Variants in PTPRG observed in about 807,000 individuals in gnomAD.
PTPRG encodes protein tyrosine phosphatase receptor type G.
In PTPRG, 102 loss-of-function variants were observed where a neutral mutation model predicts 165.3. The observed-to-expected ratio is 0.62, with a 90% CI of 0.53 to 0.73. The LOEUF is 0.73. PTPRG is among the 30% of genes least tolerant of loss of function. PTPRG has a pLI of 0.00. For missense variants in PTPRG, 1,866 were observed against 1,861.4 expected (o/e 1.00, Z -0.05); for synonymous variants, 675 against 669.5 (o/e 1.01, Z -0.13).
At chr3:61,833,352 G>C (rs139297991) in intron 2 of PTPRG, among the ~76,000 whole-genome samples, 4 of 152,172 alleles carry the variant, frequency 2.6e-5, no homozygotes, top group South Asian at 2.1e-4. Flanking sequence ...GCTTAAAAAC[G>C]TGCAGAAGAA....
chr3:61,574,973 C>G (rs1700142925), intron 1 of PTPRG, among the ~76,000 whole-genome samples: 1 of 152,206 alleles, frequency 6.6e-6, no homozygotes, highest in Admixed American at 6.5e-5. Context: ...GTGAGGGACC[C>G]ACCCTCATGA....
intron 2 of PTPRG, among the ~76,000 whole-genome samples, chr3:61,918,016 G>A (rs1362034210): frequency 6.6e-6 from 1 of 152,172 alleles, no homozygotes; most frequent in Non-Finnish European, 1.5e-5. Flanking sequence ...GCAAACTAAT[G>A]AATCATGTAG....
In PTPRG at chr3:62,271,590, G is replaced by T. The variant is rs374203136; in HGVS notation, c.3182+35G>T. On this transcript the variant is annotated intron_variant, in intron 21 of 29. Coordinates refer to ENST00000474889, the MANE Select transcript of PTPRG (RefSeq NM_002841.4). The surrounding 1 kb of genome is among the most constrained non-coding windows in gnomAD (Gnocchi z 4.1). ...AGGATTCAACATGTGAAATAGATGGGGCAGGGGACTTAGGCCTCAGTGACC... is the reference window on the plus strand; with the variant it reads ...AGGATTCAACATGTGAAATAGATGGTGCAGGGGACTTAGGCCTCAGTGACC... 1.1e-4 allele frequency: 169 copies of T among 1,584,244 alleles called. No individual in the cohort carries two copies. Among genetic ancestry groups the T allele is most frequent in the Non-Finnish European group, 1.4e-4 (167 of 1,163,802 alleles).
At chr3:61,945,966 T>C (rs2039750499) in intron 2 of PTPRG, among the ~76,000 whole-genome samples, 1 of 149,806 alleles carries the variant, frequency 6.7e-6, no homozygotes, top group African/African-American at 2.5e-5. Flanking sequence ...AGCTTTCCTC[T>C]GCTCAGCCAA....
At chr3:61,928,236 T>A (rs1452233768) in intron 2 of PTPRG, among the ~76,000 whole-genome samples, 1 of 152,146 alleles carries the variant, frequency 6.6e-6, no homozygotes, top group Admixed American at 6.6e-5. Context: ...TTCTTATGAG[T>A]TGGGAACATG....
chr3:61,649,792 T>TA (rs1307076647), intron 1 of PTPRG, among the ~76,000 whole-genome samples: 2 of 152,216 alleles, frequency 1.3e-5, no homozygotes, highest in African/African-American at 4.8e-5. Flanking sequence ...GACTGACACT[T>TA]AAAGTTTTAG....
intron 1 of PTPRG, among the ~76,000 whole-genome samples, chr3:61,626,882 C>T (rs1172193305): frequency 1.3e-5 from 2 of 152,126 alleles, no homozygotes; most frequent in Admixed American, 1.3e-4. Context: ...TGATCAAATG[C>T]TGGGGATACA....
rs78451210 is a variant in PTPRG, at chr3:61,753,362, C to T, written c.190+4380C>T. On this transcript the variant is annotated intron_variant, in intron 2 of 29. Coordinates refer to ENST00000474889, the MANE Select transcript of PTPRG (RefSeq NM_002841.4). ...AAAAAATGCAGTAGTTTAATAGTAT[C>T]TCATTGGAAATAATAAAACAATTTC... 1.7e-3 allele frequency among the ~76,000 whole-genome samples: 264 copies of T among 152,182 alleles called. 6 individuals are homozygous for T. The East Asian group carries it at 0.05, about 29-fold the overall frequency.
At chr3:62,194,955 C>T in intron 9 of PTPRG, 107 bp from the exon 10 acceptor site, 2 of 1,005,770 alleles carry the variant, frequency 2.0e-6, no homozygotes, top group Non-Finnish European at 3.1e-6. Flanking sequence ...AGCAGGGAAG[C>T]ATCACACCTG....
rs1050147187 is a variant in PTPRG at position 62,294,146 on chromosome 3, A to G, written c.*839A>G. On this transcript the variant is annotated 3_prime_UTR_variant, in exon 30 of 30. Coordinates refer to ENST00000474889, the MANE Select transcript of PTPRG (RefSeq NM_002841.4). ...ATACAACTCAGTTATGAGACCCTTTAGTTATTCTCCATTAATGCTTCTTAG... is the reference window on the plus strand; with the variant it reads ...ATACAACTCAGTTATGAGACCCTTTGGTTATTCTCCATTAATGCTTCTTAG... The G allele has an allele frequency of 3.3e-5, 5 of 152,114 alleles. No homozygotes were observed. The highest frequency in any genetic ancestry group is 1.2e-4 in the African/African-American group (5 of 41,454). 9.4% of individuals were successfully genotyped at this position (152,114 alleles called of 1,614,324 possible). A position where few individuals can be genotyped will look rare whatever the true frequency, so the allele number is the denominator to read the frequency against.
At chr3:61,868,314 C>A (rs978715374) in intron 2 of PTPRG, among the ~76,000 whole-genome samples, 4 of 152,336 alleles carry the variant, frequency 2.6e-5, no homozygotes, top group African/African-American at 7.2e-5. Context: ...AATCTTCTCA[C>A]AATTTCTTGC....
At chr3:62,007,045 G>A (rs2041314768) in intron 4 of PTPRG, among the ~76,000 whole-genome samples, 1 of 152,148 alleles carries the variant, frequency 6.6e-6, no homozygotes, top group Non-Finnish European at 1.5e-5. Context: ...TAACAGCATT[G>A]CTGTTCCTGG....
At chr3:61,837,542 A>G (rs1390370076) in intron 2 of PTPRG, among the ~76,000 whole-genome samples, 3 of 152,236 alleles carry the variant, frequency 2.0e-5, no homozygotes, top group Non-Finnish European at 2.9e-5. Context: ...TGCAGCCTGA[A>G]TAGTACGTCA....
intron 2 of PTPRG, among the ~76,000 whole-genome samples, chr3:61,842,684 CAAAA>C (rs199500194): frequency 0.12 from 15,065 of 121,578 alleles, 1,162 homozygotes; most frequent in African/African-American, 0.27. Context: ...GTATGTGTGG[CAAAA>C]AAAAAAAAAA....
intron 5 of PTPRG, among the ~76,000 whole-genome samples, chr3:62,111,016 G>GGGAA (rs1702650513): frequency 6.6e-6 from 1 of 152,178 alleles, no homozygotes; most frequent in South Asian, 2.1e-4. Flanking sequence ...AGGGCTCTGT[G>GGGAA]GGAAGTGATT....
intron 28 of PTPRG, among the ~76,000 whole-genome samples, chr3:62,289,756 A>ATAAT (rs1702810979): frequency 7.0e-6 from 1 of 142,112 alleles, no homozygotes. Context: ...CTTTACCTTT[A>ATAAT]TAATTGTTAT....
chr3:61,761,987 T>G (rs2033852784), intron 2 of PTPRG, among the ~76,000 whole-genome samples: 1 of 152,160 alleles, frequency 6.6e-6, no homozygotes, highest in African/African-American at 2.4e-5. Context: ...GAGTATTGAT[T>G]GGTCATTGAG....
intron 4 of PTPRG, among the ~76,000 whole-genome samples, chr3:62,067,021 A>G (rs1428164218): frequency 7.1e-6 from 1 of 140,768 alleles, no homozygotes; most frequent in African/African-American, 2.6e-5. Flanking sequence ...TTGGCGACAA[A>G]GTGAGAGATT....
chr3:62,046,512 A>AG (rs1320123217), intron 4 of PTPRG, among the ~76,000 whole-genome samples: 1 of 152,190 alleles, frequency 6.6e-6, no homozygotes, highest in East Asian at 1.9e-4. Context: ...CAAGTCTGAT[A>AG]GGGCTTCTTA....
Sources: allele counts gnomAD v4.1 joint callset (sites outside exome capture counted in the v4.1 genomes callset), GRCh38; gene constraint gnomAD v4.1.1; non-coding constraint Gnocchi (gnomAD v3.1); transcripts MANE v1.5; gene names NCBI Gene and HGNC (gene_info 2026-07-23, HGNC 2026-07-21).